PGM2: variants seen among roughly 807,000 people sequenced by gnomAD.
The protein encoded by PGM2 is phosphoglucomutase 2, also known as phosphopentomutase.
A neutral mutation model predicts 74.6 loss-of-function variants in PGM2; 57 were observed. That is an observed-to-expected ratio of 0.76 (90% confidence interval 0.62 to 0.95). The LOEUF (loss-of-function observed/expected upper bound fraction) is 0.95, where lower values mean the gene tolerates loss of function less well. PGM2 is among the 40% of genes least tolerant of loss of function. The pLI, the probability that PGM2 is intolerant of heterozygous loss-of-function variation, is 0.00. For synonymous variants in PGM2, 273 were observed against 260.7 expected (o/e 1.05, Z -0.46); for missense variants, 706 against 741.9 (o/e 0.95, Z 0.56).
chr4:37,831,885 G>A (rs1200112801), intron 2 of PGM2, among the ~76,000 whole-genome samples: 1 of 152,116 alleles, frequency 6.6e-6, no homozygotes, highest in African/African-American at 2.4e-5. Context: ...ATATTACTGG[G>A]GCCATCTTTG....
intron 6 of PGM2, among the ~76,000 whole-genome samples, chr4:37,843,229 T>C (rs9992597): frequency 0.082 from 12,502 of 152,284 alleles, 981 homozygotes; most frequent in East Asian, 0.18. Flanking sequence ...TGCCTTTTTA[T>C]GTCTAGTACC....
intron 11 of PGM2, among the ~76,000 whole-genome samples, chr4:37,849,313 T>C (rs1045317375): frequency 1.3e-5 from 2 of 151,040 alleles, no homozygotes; most frequent in East Asian, 1.9e-4. Flanking sequence ...CCAAAGAGAA[T>C]ACAGAAATGC....
chr4:37,835,595 A>G (rs563550091), intron 3 of PGM2, among the ~76,000 whole-genome samples: 5 of 152,328 alleles, frequency 3.3e-5, no homozygotes, highest in African/African-American at 1.2e-4. Context: ...TATCAGTATT[A>G]GTAGTAGCTT....
Position 37,846,921 on chromosome 4 carries a change from T to C in PGM2, c.1008-10T>C. 1 of 1,578,068 alleles carries C rather than the reference T, an allele frequency of 6.3e-7. No homozygotes were observed. The highest frequency in any genetic ancestry group is 8.6e-7 in the Non-Finnish European group (1 of 1,166,892). The stretch of plus-strand genomic sequence containing the variant: ...AATGAATGGTGGTTGTTGTTTTTTT[T>C]TTCTTTCAGTGGTGAATGGAGGGTG... On this transcript the variant is annotated splice_polypyrimidine_tract_variant and intron_variant, in intron 8 of 13. Coordinates refer to ENST00000381967, the MANE Select transcript of PGM2 (RefSeq NM_018290.4).
At chr4:37,837,654 C>A in intron 4 of PGM2, 41 bp downstream of exon 4, 1 of 1,266,772 alleles carries the variant, frequency 7.9e-7, no homozygotes, top group Non-Finnish European at 1.2e-6. Flanking sequence ...GTCACATGAT[C>A]AGGGATGGGA....
intron 12 of PGM2, 44 bp downstream of exon 12, chr4:37,850,417 C>A (rs762125804): frequency 6.4e-6 from 7 of 1,092,076 alleles, no homozygotes; most frequent in African/African-American, 1.6e-5. Context: ...TTTCTATTTA[C>A]CTTTTAAAAT....
At chr4:37,836,880 T>TGTGTGTGTGC (rs1285304769) in intron 3 of PGM2, among the ~76,000 whole-genome samples, 26 of 152,052 alleles carry the variant, frequency 1.7e-4, no homozygotes, top group African/African-American at 6.3e-4. Context: ...TGTGTGTGTG[T>TGTGTGTGTGC]GTATACACAC....
chr4:37,855,025 G>C (rs1364357143), intron 12 of PGM2, among the ~76,000 whole-genome samples: 1 of 152,170 alleles, frequency 6.6e-6, no homozygotes, highest in Non-Finnish European at 1.5e-5. Flanking sequence ...TATTGATCAT[G>C]TATTTGTAGT....
chr4:37,826,796 T>G lies in PGM2; in HGVS notation c.64T>G (p.Trp22Gly), dbSNP rs1163778504. The change falls in exon 1 of 14, where the codon TGG (tryptophan) becomes GGG (glycine). Residue 22 changes from tryptophan (W) to glycine (G), a missense_variant. Physicochemically the swap from Trp to Gly is radical, Grantham distance 184. Coordinates refer to ENST00000381967, the MANE Select transcript of PGM2 (RefSeq NM_018290.4). ...DARLDQETAQ[W>G]LRWDKNSLTL... ...CCGGCTGGACCAGGAGACCGCCCAG[T>G]GGCTGCGCTGGGACAAGGTGAGGGG... 6.5e-7 allele frequency: 1 copy of G among 1,547,338 alleles called. No homozygotes were observed. The highest frequency in any genetic ancestry group is 1.4e-5 in the African/African-American group (1 of 72,860).
intron 10 of PGM2, 95 bp from the exon 11 acceptor site, chr4:37,848,427 C>G: frequency 9.1e-7 from 1 of 1,097,478 alleles, no homozygotes; most frequent in Non-Finnish European, 1.3e-6. Context: ...ACACGCAACA[C>G]TGTACAACCT....
At position 37,848,606 on chromosome 4, in the gene PGM2, C is replaced by G. The variant is rs1378473752; in HGVS notation, c.1367C>G (p.Thr456Ser). The G allele has an allele frequency of 1.9e-6, 3 of 1,613,760 alleles. No homozygotes were observed. The African/African-American group carries it at 4.0e-5, about 22-fold the overall frequency. ...GCAGAGTTGGCTAGCTTCCTAGCAA[C>G]CAAGAATTTGTCTTTGTCTCAGCAA... ...ISAELASFLATKNLSLSQQLK... is the reference protein window; with the variant it reads ...ISAELASFLASKNLSLSQQLK... Residue 456 changes from threonine (T) to serine (S), a missense_variant, in exon 11 of 14, where the codon ACC becomes AGC. By Grantham distance (58) the Thr-to-Ser change is moderately conservative. Around this residue, in one of 3 missense-constraint regions of PGM2, gnomAD observed 359 missense variants for 371.1 expected, o/e 0.97. Transcript: ENST00000381967.
chr4:37,829,813 A>G (rs1725391170), intron 1 of PGM2, 151 bp from the exon 2 acceptor site: 2 of 259,030 alleles, frequency 7.7e-6, no homozygotes, highest in Non-Finnish European at 1.4e-5. Flanking sequence ...TTCATATTTC[A>G]GATTTCAAAA....
chr4:37,845,587 C>A, intron 7 of PGM2, 46 bp from the exon 8 acceptor site: 1 of 1,290,496 alleles, frequency 7.7e-7, no homozygotes, highest in Non-Finnish European at 1.1e-6. Flanking sequence ...CTATCATATG[C>A]TCGATTCTTG....
intron 12 of PGM2, among the ~76,000 whole-genome samples, chr4:37,850,598 C>T (rs895694390): frequency 1.3e-5 from 2 of 151,922 alleles, no homozygotes; most frequent in South Asian, 2.1e-4. Flanking sequence ...ATCAGGAGTT[C>T]GAGACCAGCC....
Position 37,847,040 on chromosome 4 carries a change from T to C in PGM2, c.1117T>C (p.Tyr373His). 2 of 1,613,780 alleles carry C rather than the reference T, an allele frequency of 1.2e-6. No homozygotes were observed. Among genetic ancestry groups the C allele is most frequent in the East Asian group, 2.2e-5 (1 of 44,886 alleles). ...NQDRSALKDT[Y>H]MLSSTVSSKI... Reference sequence around the variant, plus strand: ...GGATCGCAGTGCTCTCAAAGACACGTACATGTTGTCCAGCACCGTCTCCTC... The same window carrying C: ...GGATCGCAGTGCTCTCAAAGACACGCACATGTTGTCCAGCACCGTCTCCTC... Residue 373 changes from tyrosine (Y) to histidine (H), a missense_variant, in exon 9 of 14, where the codon TAC becomes CAC. Coordinates refer to ENST00000381967, the MANE Select transcript of PGM2 (RefSeq NM_018290.4).
intron 3 of PGM2, among the ~76,000 whole-genome samples, 154 bp downstream of exon 3, chr4:37,834,878 T>A (rs934598430): frequency 3.3e-5 from 5 of 152,240 alleles, no homozygotes; most frequent in African/African-American, 9.6e-5. Context: ...TTTTAAAGAT[T>A]CTGGTTTTAC....
chr4:37,828,833 C>A lies in PGM2; in HGVS notation c.82-1131C>A, dbSNP rs1433514520. 3.3e-5 allele frequency among the ~76,000 whole-genome samples: 5 copies of A among 152,088 alleles called. No individual in the cohort carries two copies. In the East Asian group the frequency reaches 7.7e-4, roughly 23 times the overall value. Reference sequence around the variant, plus strand: ...GCCTCTTTTATGTACCTGATCTGAGCCTTTCTTTGGGGCACCTGACAATCT... The same window carrying A: ...GCCTCTTTTATGTACCTGATCTGAGACTTTCTTTGGGGCACCTGACAATCT... On this transcript the variant is annotated intron_variant, in intron 1 of 13. Coordinates refer to ENST00000381967, the MANE Select transcript of PGM2 (RefSeq NM_018290.4).
At chr4:37,847,631 A>C (rs1725912261) in intron 10 of PGM2, among the ~76,000 whole-genome samples, 1 of 152,176 alleles carries the variant, frequency 6.6e-6, no homozygotes, top group Non-Finnish European at 1.5e-5. Flanking sequence ...TGTGGTATTT[A>C]ATGTCCCTCC....
intron 10 of PGM2, 135 bp from the exon 11 acceptor site, chr4:37,848,387 A>T: frequency 1.4e-6 from 1 of 694,586 alleles, no homozygotes. Context: ...CTAAATTCCT[A>T]AACATAAGGT....
Sources: allele counts gnomAD v4.1 joint callset (sites outside exome capture counted in the v4.1 genomes callset), GRCh38; gene constraint gnomAD v4.1.1; regional missense constraint gnomAD v4.1.1; transcripts MANE v1.5; gene names NCBI Gene and HGNC (gene_info 2026-07-23, HGNC 2026-07-21).